The following PPFIA2 variants were observed in gnomAD, a reference collection of about 807,000 sequenced individuals.
PPFIA2 encodes liprin-alpha-2.
PPFIA2 carries 46 observed loss-of-function variants against 175.5 expected under a neutral mutation model. That is an observed-to-expected ratio of 0.26 (90% CI 0.21 to 0.34). PPFIA2 has a LOEUF of 0.34. PPFIA2 is among the 10% of genes least tolerant of loss of function. PPFIA2 has a pLI of 1.00. For synonymous variants in PPFIA2, 568 were observed against 511.4 expected, an observed-to-expected ratio of 1.11 and a Z score of -1.49; for missense variants, 1,179 against 1,506.1, an observed-to-expected ratio of 0.78 and a Z score of 3.60.
At chr12:81,739,937 G>A (rs1000903170) in intron 3 of PPFIA2, among the ~76,000 whole-genome samples, 6 of 152,082 alleles carry the variant, frequency 3.9e-5, no homozygotes, top group African/African-American at 1.2e-4. Flanking sequence ...ATAACTATTA[G>A]TCTTTGTACT....
At chr12:81,513,353 A>G (rs1234627848) in intron 4 of PPFIA2, among the ~76,000 whole-genome samples, 3 of 152,098 alleles carry the variant, frequency 2.0e-5, no homozygotes, top group Non-Finnish European at 4.4e-5. Flanking sequence ...AATTCCACAG[A>G]AAACTAAAAG....
chr12:81,617,917 T>C (rs1031209245), intron 4 of PPFIA2, among the ~76,000 whole-genome samples: 6 of 152,012 alleles, frequency 3.9e-5, no homozygotes, highest in African/African-American at 1.5e-4. Context: ...TATGTGACAG[T>C]GGGGAAAGGA....
intron 28 of PPFIA2, among the ~76,000 whole-genome samples, chr12:81,275,846 G>A (rs1479892930): frequency 1.3e-5 from 2 of 151,168 alleles, no homozygotes; most frequent in African/African-American, 2.4e-5. Flanking sequence ...GTGCAGTGGG[G>A]CAATCTCGGC....
chr12:81,294,030 C>T (rs1412101286), intron 24 of PPFIA2, among the ~76,000 whole-genome samples: 2 of 30,932 alleles, frequency 6.5e-5, no homozygotes, highest in Non-Finnish European at 2.7e-4. Flanking sequence ...AGTGAAATAA[C>T]TTGGAAACAA....
chr12:81,608,712 T>G (rs1056579455), intron 4 of PPFIA2, among the ~76,000 whole-genome samples: 1 of 152,042 alleles, frequency 6.6e-6, no homozygotes, highest in Non-Finnish European at 1.5e-5. Flanking sequence ...GCTAGTAGTA[T>G]GTCAACCTTG....
intron 3 of PPFIA2, among the ~76,000 whole-genome samples, chr12:81,687,012 C>G (rs1304211452): frequency 6.6e-6 from 1 of 152,004 alleles, no homozygotes; most frequent in Non-Finnish European, 1.5e-5. Context: ...CACCTAGGAA[C>G]TCATAAGACA....
At chr12:81,282,367 T>C (rs1234150084) in intron 26 of PPFIA2, among the ~76,000 whole-genome samples, 1 of 152,092 alleles carries the variant, frequency 6.6e-6, no homozygotes, top group Non-Finnish European at 1.5e-5. Flanking sequence ...TACTGTGTGT[T>C]TAAATACAGG....
chr12:81,711,467 CTATT>C (rs1477625100), intron 3 of PPFIA2, among the ~76,000 whole-genome samples: 11 of 151,338 alleles, frequency 7.3e-5, no homozygotes, highest in East Asian at 4.0e-4. Context: ...TACTATCTAT[CTATT>C]TATCTATCTA....
In PPFIA2 at chr12:81,269,215, G is replaced by T. The variant is rs1393247739; in HGVS notation, c.3311-1128C>A. On this transcript the variant is annotated intron_variant, in intron 28 of 32. Transcript: ENST00000549396. ...TATAAAATGAGTAAAATAGTCCGAA[G>T]GACTAAAATTGTCCATAGAAAAGAA... 5.3e-5 allele frequency among the ~76,000 whole-genome samples: 8 copies of T among 151,304 alleles called. No homozygotes were observed. In the East Asian group the frequency reaches 1.5e-3, roughly 29 times the overall value.
intron 7 of PPFIA2, among the ~76,000 whole-genome samples, chr12:81,435,109 C>T (rs1166761149): frequency 2.0e-5 from 3 of 152,140 alleles, no homozygotes; most frequent in African/African-American, 7.2e-5. Flanking sequence ...CACTTTATTA[C>T]ATTAATGTGC....
At chr12:81,317,099 T>G (rs2139410952) in intron 22 of PPFIA2, among the ~76,000 whole-genome samples, 1 of 151,790 alleles carries the variant, frequency 6.6e-6, no homozygotes, top group South Asian at 2.1e-4. Flanking sequence ...GTGATTATTA[T>G]GTACATATTA....
intron 27 of PPFIA2, among the ~76,000 whole-genome samples, chr12:81,280,012 T>G (rs1331635676): frequency 1.3e-5 from 2 of 152,222 alleles, no homozygotes; most frequent in Non-Finnish European, 2.9e-5. Context: ...ACTTACTTAT[T>G]TAAAGTCTTC....
intron 3 of PPFIA2, among the ~76,000 whole-genome samples, chr12:81,697,293 T>C (rs1291319002): frequency 6.6e-6 from 1 of 152,118 alleles, no homozygotes; most frequent in Non-Finnish European, 1.5e-5. Flanking sequence ...TCATTAAATG[T>C]CACACAGTAT....
intron 4 of PPFIA2, among the ~76,000 whole-genome samples, chr12:81,489,922 T>A (rs1173794577): frequency 6.6e-6 from 1 of 151,944 alleles, no homozygotes; most frequent in Non-Finnish European, 1.5e-5. Context: ...AATTGAATAT[T>A]CCCTCAGATA....
chr12:81,754,244 A>G (rs2084289080), intron 2 of PPFIA2, 21 bp from the exon 3 acceptor site: 1 of 1,571,058 alleles, frequency 6.4e-7, no homozygotes, highest in African/African-American at 1.3e-5. Flanking sequence ...GTAAGTGGGA[A>G]GGAGTCTTAG....
At chr12:81,394,244 CA>C (rs1372708912) in intron 8 of PPFIA2, among the ~76,000 whole-genome samples, 1 of 151,884 alleles carries the variant, frequency 6.6e-6, no homozygotes, top group Non-Finnish European at 1.5e-5. Flanking sequence ...ACATTGGCCC[CA>C]AGAGGCTGGT....
intron 22 of PPFIA2, among the ~76,000 whole-genome samples, chr12:81,323,906 T>C (rs185690680): frequency 2.1e-4 from 32 of 152,142 alleles, no homozygotes; most frequent in African/African-American, 6.7e-4. Context: ...AGGGAAATAC[T>C]TTTGTGCTTT....
chr12:81,399,873 T>C (rs545649854), intron 8 of PPFIA2, among the ~76,000 whole-genome samples: 64 of 152,238 alleles, frequency 4.2e-4, no homozygotes, highest in Non-Finnish European at 7.9e-4. Flanking sequence ...CATTTGTAAA[T>C]AAGCCCAATT....
At chr12:81,439,817 A>G in intron 7 of PPFIA2, 155 bp downstream of exon 7, 1 of 665,634 alleles carries the variant, frequency 1.5e-6, no homozygotes, top group Non-Finnish European at 2.5e-6. Context: ...TCAGAAAACA[A>G]GACTCCGGCA....
Sources: allele counts gnomAD v4.1 joint callset (sites outside exome capture counted in the v4.1 genomes callset), GRCh38; gene constraint gnomAD v4.1.1; transcripts MANE v1.5; gene names NCBI Gene and HGNC (gene_info 2026-07-23, HGNC 2026-07-21).